Variants in MALRD1 observed in about 807,000 individuals in gnomAD.
The protein encoded by MALRD1 is MAM and LDL receptor class A domain containing 1, also known as MAM and LDL-receptor class A domain-containing protein 1.
A neutral mutation model predicts 242.1 loss-of-function variants in MALRD1; 247 were observed. That is an observed-to-expected ratio of 1.02 (90% CI 0.92 to 1.13). The LOEUF (loss-of-function observed/expected upper bound fraction) is 1.13, where lower values mean the gene tolerates loss of function less well. Ranked by LOEUF, MALRD1 falls within the 50% of genes most tolerant of loss-of-function variation. The probability of loss-of-function intolerance (pLI) is 0.00; values close to 1 mark genes in which losing one functional copy is unlikely to be tolerated. For synonymous variants in MALRD1, 995 were observed against 866.6 expected (o/e 1.15, Z -2.60); for missense variants, 2,989 against 2,533.1 (o/e 1.18, Z -3.86).
intron 33 of MALRD1, among the ~76,000 whole-genome samples, chr10:19,585,761 G>C (rs1357748143): frequency 6.6e-6 from 1 of 152,078 alleles, no homozygotes; most frequent in Non-Finnish European, 1.5e-5. Context: ...TCCTGAATCT[G>C]AATGTTCGCC....
At chr10:19,297,216 C>T (rs984834345) in intron 21 of MALRD1, among the ~76,000 whole-genome samples, 2 of 151,244 alleles carry the variant, frequency 1.3e-5, no homozygotes, top group African/African-American at 2.4e-5. Flanking sequence ...AAAGTATAAG[C>T]ATTATTAATG....
chr10:19,268,146 C>T (rs557541436), intron 19 of MALRD1, among the ~76,000 whole-genome samples: 2 of 152,030 alleles, frequency 1.3e-5, no homozygotes, highest in East Asian at 3.9e-4. Context: ...TTTGTAGTCA[C>T]ATTCAAATAT....
intron 19 of MALRD1, among the ~76,000 whole-genome samples, chr10:19,273,482 A>G (rs760817968): frequency 1.3e-5 from 2 of 152,202 alleles, no homozygotes; most frequent in Non-Finnish European, 2.9e-5. Context: ...CTTGGAAGCA[A>G]CCAGGATGTC....
intron 18 of MALRD1, among the ~76,000 whole-genome samples, chr10:19,215,498 C>T (rs1837268906): frequency 6.6e-6 from 1 of 152,142 alleles, no homozygotes; most frequent in Non-Finnish European, 1.5e-5. Context: ...AAAAAGCTGT[C>T]CACTTGTGAA....
chr10:19,687,959 TTATGTTATGTTA>T, intron 36 of MALRD1, among the ~76,000 whole-genome samples: 1 of 151,276 alleles, frequency 6.6e-6, no homozygotes, highest in South Asian at 2.1e-4. Context: ...TTATGTTATG[TTATGTTATGTTA>T]TGTTATGTTA....
intron 2 of MALRD1, among the ~76,000 whole-genome samples, chr10:19,070,582 A>G (rs1835113833): frequency 6.6e-6 from 1 of 152,078 alleles, no homozygotes; most frequent in Non-Finnish European, 1.5e-5. Context: ...CATTTTAAGA[A>G]TATTTTCCCT....
intron 4 of MALRD1, among the ~76,000 whole-genome samples, chr10:19,103,374 A>G (rs748270984): frequency 6.6e-6 from 1 of 151,662 alleles, no homozygotes; most frequent in Non-Finnish European, 1.5e-5. Context: ...ATCCTAGCTA[A>G]CACGGTGAAA....
chr10:19,463,180 A>T (rs977399498), intron 29 of MALRD1, among the ~76,000 whole-genome samples: 1 of 151,994 alleles, frequency 6.6e-6, no homozygotes, highest in African/African-American at 2.4e-5. Context: ...TTTATTTATT[A>T]TTTCCATAGG....
At chr10:19,656,290 T>C (rs954341047) in intron 36 of MALRD1, among the ~76,000 whole-genome samples, 2 of 152,166 alleles carry the variant, frequency 1.3e-5, no homozygotes, top group Non-Finnish European at 2.9e-5. Context: ...AAACTCATAT[T>C]TGAAAAATAT....
At chr10:19,555,372 G>A (rs1265517446) in intron 32 of MALRD1, among the ~76,000 whole-genome samples, 3 of 152,112 alleles carry the variant, frequency 2.0e-5, no homozygotes, top group Non-Finnish European at 4.4e-5. Flanking sequence ...GGAAAGCTGG[G>A]TAGGACTTCA....
At chr10:19,353,868 T>TTTTGTTTG (rs532642522) in intron 26 of MALRD1, among the ~76,000 whole-genome samples, 1,574 of 151,812 alleles carry the variant, frequency 0.01, 23 homozygotes, top group Middle Eastern at 0.031. Flanking sequence ...TTTCTGGTGG[T>TTTTGTTTG]TTTGTTTGTT....
chr10:19,516,026 CTTAAG>C (rs1460578219), intron 31 of MALRD1, among the ~76,000 whole-genome samples: 3 of 152,158 alleles, frequency 2.0e-5, no homozygotes, highest in Admixed American at 1.3e-4. Context: ...TAGCTATCGT[CTTAAG>C]TTATTTTCAT....
intron 38 of MALRD1, chr10:19,711,305 C>T (rs939948741): frequency 6.6e-6 from 1 of 152,072 alleles, no homozygotes; most frequent in South Asian, 2.1e-4. Context: ...AAAAAAGAAA[C>T]ACATAAGTCA....
chr10:19,656,725 A>G (rs79075089), intron 36 of MALRD1, among the ~76,000 whole-genome samples: 1,596 of 152,224 alleles, frequency 0.01, 31 homozygotes, highest in African/African-American at 0.036. Flanking sequence ...TATGAGTGGT[A>G]TGATGATTTT....
At chr10:19,667,562 G>C (rs984232687) in intron 36 of MALRD1, among the ~76,000 whole-genome samples, 5 of 151,708 alleles carry the variant, frequency 3.3e-5, no homozygotes, top group African/African-American at 4.9e-5. Context: ...CATGAGAGTT[G>C]GTTATTTAAA....
Position 19,633,832 on chromosome 10 carries a change from TTTTC to T in MALRD1, c.6137+17917_6137+17920del, listed in dbSNP as rs1196099130. The T allele has an allele frequency of 1.8e-3, 263 of 148,646 alleles. 3 individuals carry two copies. Among genetic ancestry groups the T allele is most frequent in the African/African-American group, 5.5e-3 (214 of 39,130 alleles). The allele number at this position is 148,646 out of a possible 1,614,324, so 9.2% of individuals were successfully genotyped here. A position where few individuals can be genotyped will look rare whatever the true frequency, so the allele number is the denominator to read the frequency against. ...ATAAGCCACAGTTTCTTTCTTTTTC[TTTTC>T]TTTCTTTTTTTTTTTTTTTTTTGAC... On this transcript the variant is annotated intron_variant, in intron 36 of 39. Coordinates refer to ENST00000454679, the MANE Select transcript of MALRD1 (RefSeq NM_001142308.3).
At chr10:19,192,385 A>T (rs1470798416) in intron 14 of MALRD1, among the ~76,000 whole-genome samples, 1 of 152,220 alleles carries the variant, frequency 6.6e-6, no homozygotes. Context: ...GTAGGGGGAA[A>T]AGCAAATAAG....
intron 5 of MALRD1, among the ~76,000 whole-genome samples, chr10:19,123,020 G>A (rs1837120944): frequency 6.6e-6 from 1 of 152,190 alleles, no homozygotes; most frequent in Non-Finnish European, 1.5e-5. Flanking sequence ...ACAGGTGTGA[G>A]CCACCATGGC....
intron 14 of MALRD1, among the ~76,000 whole-genome samples, chr10:19,186,998 A>G (rs1835765400): frequency 6.6e-6 from 1 of 152,164 alleles, no homozygotes; most frequent in Non-Finnish European, 1.5e-5. Flanking sequence ...AGTGAAATGT[A>G]CACTGCTTCT....
Sources: gnomAD v4.1 joint callset for allele counts (sites outside exome capture counted in the v4.1 genomes callset) on GRCh38, gnomAD v4.1.1 for gene constraint, MANE v1.5 for transcripts, NCBI Gene and HGNC (gene_info 2026-07-23, HGNC 2026-07-21) for gene names.